Variants in CCDC85C observed in about 807,000 individuals in gnomAD.
CCDC85C encodes the protein coiled-coil domain containing 85C.
A neutral mutation model predicts 38.3 loss-of-function variants in CCDC85C; 18 were observed. The ratio of observed to expected loss-of-function variants is 0.47; its 90% CI spans 0.33 to 0.70. The LOEUF (loss-of-function observed/expected upper bound fraction) is 0.70, where lower values mean the gene tolerates loss of function less well. CCDC85C is among the 30% of genes least tolerant of loss of function. CCDC85C has a pLI of 0.03. For missense variants in CCDC85C, 566 were observed against 621.2 expected, an observed-to-expected ratio of 0.91 and a Z score of 0.94; for synonymous variants, 264 against 293.8, an observed-to-expected ratio of 0.90 and a Z score of 1.04.
At chr14:99,568,261 T>TTTTTTTTC (rs1898261012) in intron 1 of CCDC85C, among the ~76,000 whole-genome samples, 1 of 139,726 alleles carries the variant, frequency 7.2e-6, no homozygotes. Context: ...TTTTTTTTTT[T>TTTTTTTTC]TTTTTTTTTG....
intron 2 of CCDC85C, among the ~76,000 whole-genome samples, chr14:99,531,589 G>A (rs994095197): frequency 4.7e-5 from 6 of 128,194 alleles, no homozygotes; most frequent in Non-Finnish European, 8.2e-5. Flanking sequence ...TGGGTGGGGG[G>A]GGGGGTGGGA....
At chr14:99,552,788 C>T (rs575202177) in intron 1 of CCDC85C, among the ~76,000 whole-genome samples, 2 of 152,368 alleles carry the variant, frequency 1.3e-5, no homozygotes, top group African/African-American at 4.8e-5. Flanking sequence ...AGGTTCTCCC[C>T]GCAAGGGGGC....
At chr14:99,573,112 T>A in intron 1 of CCDC85C, 1 of 300,140 alleles carries the variant, frequency 3.3e-6, no homozygotes, top group South Asian at 3.3e-5. Flanking sequence ...AGGCAGGGAC[T>A]CAGGCGTGCA....
At chr14:99,546,649 G>A (rs1897813381) in intron 1 of CCDC85C, among the ~76,000 whole-genome samples, 1 of 152,150 alleles carries the variant, frequency 6.6e-6, no homozygotes, top group African/African-American at 2.4e-5. Flanking sequence ...ATGTGCACCA[G>A]ACTCTACAGG....
chr14:99,604,096 C>A lies in CCDC85C; in HGVS notation c.-137G>T. The stretch of plus-strand genomic sequence containing the variant: ...GCGGCCCGCCCCGCGCCGCCTGGCG[C>A]GTCCTCTCGCCGCGCCCGCCGGGGC... On this transcript the variant is annotated 5_prime_UTR_variant, in exon 1 of 6. Transcript: ENST00000380243. 1.1e-6 allele frequency: 1 copy of A among 881,844 alleles called. No individual in the cohort carries two copies. The highest frequency in any genetic ancestry group is 1.4e-6 in the Non-Finnish European group (1 of 739,558). 54.6% of individuals were successfully genotyped at this position (881,844 alleles called of 1,614,324 possible).
At chr14:99,592,710 G>A (rs1176232428) in intron 1 of CCDC85C, among the ~76,000 whole-genome samples, 1 of 152,254 alleles carries the variant, frequency 6.6e-6, no homozygotes, top group Non-Finnish European at 1.5e-5. Flanking sequence ...CTCTGGCAAA[G>A]GGAGGAAGGC....
chr14:99,502,900 A>G lies in CCDC85C; in HGVS notation c.*12346T>C. 1 of 1,613,470 alleles carries G rather than the reference A, an allele frequency of 6.2e-7. No individual in the cohort carries two copies. The highest frequency in any genetic ancestry group is 2.2e-5 in the East Asian group (1 of 44,852). ...AGCCCCAGCAGAAGGACCCCCAGCA[A>G]CCAGCCCAGCAGCAGCAGCCAGCCC... On this transcript the variant is annotated 3_prime_UTR_variant, in exon 6 of 6. Coordinates refer to ENST00000380243, the MANE Select transcript of CCDC85C (RefSeq NM_001144995.2).
At chr14:99,531,125 G>A (rs900512531) in intron 2 of CCDC85C, among the ~76,000 whole-genome samples, 1 of 152,180 alleles carries the variant, frequency 6.6e-6, no homozygotes, top group African/African-American at 2.4e-5. Context: ...TGGCAGGCCA[G>A]GGGAGAGGTG....
At chr14:99,559,570 C>G (rs1898077209) in intron 1 of CCDC85C, among the ~76,000 whole-genome samples, 1 of 152,202 alleles carries the variant, frequency 6.6e-6, no homozygotes, top group Admixed American at 6.5e-5. Flanking sequence ...TCGGAGCCAC[C>G]TGCCACAGCC....
In CCDC85C at chr14:99,510,114, A is replaced by T. The variant is rs772175057; in HGVS notation, c.*5132T>A. On this transcript the variant is annotated 3_prime_UTR_variant, in exon 6 of 6. Coordinates refer to ENST00000380243, the MANE Select transcript of CCDC85C (RefSeq NM_001144995.2). Reference sequence around the variant, plus strand: ...GCCAGGAGGCACTGAAAAAGCAACCATTGCTGGCGGAGGCCGGGCACTGAT... The same window carrying T: ...GCCAGGAGGCACTGAAAAAGCAACCTTTGCTGGCGGAGGCCGGGCACTGAT... The T allele has an allele frequency of 4.5e-6, 7 of 1,554,598 alleles. No individual in the cohort carries two copies. Among genetic ancestry groups the T allele is most frequent in the Non-Finnish European group, 6.1e-6 (7 of 1,155,858 alleles).
rs1897780996 is a variant in CCDC85C, at chr14:99,545,011, G to C, written c.794-8923C>G. ...CGGATTAGAAATCAAACACGCCGAGGACACCCTTCCCAGTGCCTCCAGGGA... is the reference window on the plus strand; with the variant it reads ...CGGATTAGAAATCAAACACGCCGAGCACACCCTTCCCAGTGCCTCCAGGGA... On this transcript the variant is annotated intron_variant, in intron 1 of 5. Coordinates refer to ENST00000380243, the MANE Select transcript of CCDC85C (RefSeq NM_001144995.2). The surrounding 1 kb of genome is among the most constrained non-coding windows in gnomAD (Gnocchi z 4.7). Among the ~76,000 whole-genome samples the C allele has an allele frequency of 6.6e-6, 1 of 152,180 alleles. No homozygotes were observed. Among genetic ancestry groups the C allele is most frequent in the Non-Finnish European group, 1.5e-5 (1 of 68,036 alleles).
intron 2 of CCDC85C, among the ~76,000 whole-genome samples, chr14:99,526,227 T>C (rs980717636): frequency 9.9e-5 from 15 of 152,102 alleles, no homozygotes; most frequent in African/African-American, 3.6e-4. Flanking sequence ...CTGAAGAGCT[T>C]GAAGGTGCCG....
At chr14:99,549,616 G>A (rs746602051) in intron 1 of CCDC85C, among the ~76,000 whole-genome samples, 6 of 152,214 alleles carry the variant, frequency 3.9e-5, no homozygotes, top group Non-Finnish European at 7.3e-5. Flanking sequence ...GGACAGGAAC[G>A]CAACTGGGTC....
chr14:99,521,173 G>C (rs771686188), intron 3 of CCDC85C, among the ~76,000 whole-genome samples: 3 of 152,272 alleles, frequency 2.0e-5, no homozygotes, highest in Admixed American at 6.5e-5. Context: ...AGCCCCGTGA[G>C]GGCATCCCTT....
At chr14:99,536,155 G>T in intron 1 of CCDC85C, 67 bp from the exon 2 acceptor site, 1 of 1,115,338 alleles carries the variant, frequency 9.0e-7, no homozygotes, top group South Asian at 1.3e-5. Context: ...GCGCAACCCC[G>T]ACTGGCCCCA....
intron 1 of CCDC85C, among the ~76,000 whole-genome samples, chr14:99,560,074 C>A (rs1898088370): frequency 6.6e-6 from 1 of 152,148 alleles, no homozygotes. Context: ...TGTTCTTTCC[C>A]TCCTTGTAGG....
chr14:99,559,015 C>T (rs1186334811), intron 1 of CCDC85C, among the ~76,000 whole-genome samples: 2 of 152,122 alleles, frequency 1.3e-5, no homozygotes, highest in African/African-American at 2.4e-5. Flanking sequence ...CTCCTGCTCC[C>T]GCCTGCAAGA....
At chr14:99,543,975 A>G (rs1401378741) in intron 1 of CCDC85C, among the ~76,000 whole-genome samples, 1 of 152,198 alleles carries the variant, frequency 6.6e-6, no homozygotes, top group Non-Finnish European at 1.5e-5. Context: ...GATGCCTTCC[A>G]GTGCCCTGGG....
chr14:99,507,288 G>C lies in CCDC85C; in HGVS notation c.*7958C>G. The C allele has an allele frequency of 1.4e-6, 1 of 707,100 alleles. No homozygotes were observed. Among genetic ancestry groups the C allele is most frequent in the Non-Finnish European group, 2.6e-6 (1 of 389,300 alleles). The allele number at this position is 707,100 out of a possible 1,614,324, so 43.8% of individuals were successfully genotyped here. A position where few individuals can be genotyped will look rare whatever the true frequency, so the allele number is the denominator to read the frequency against. On this transcript the variant is annotated 3_prime_UTR_variant, in exon 6 of 6. Coordinates refer to ENST00000380243, the MANE Select transcript of CCDC85C (RefSeq NM_001144995.2). ...CACAGGCAGGAATCTTTGCAAAATT[G>C]TTCTTGGGCTGGGCACAATGGCTTG...
Sources: allele counts gnomAD v4.1 joint callset (sites outside exome capture counted in the v4.1 genomes callset), GRCh38; gene constraint gnomAD v4.1.1; non-coding constraint Gnocchi (gnomAD v3.1); transcripts MANE v1.5; gene names NCBI Gene and HGNC (gene_info 2026-07-23, HGNC 2026-07-21).